SUCLG2: variants seen among roughly 807,000 people sequenced by gnomAD.
SUCLG2 encodes the protein succinate-CoA ligase GDP-forming subunit beta.
A neutral mutation model predicts 47.9 loss-of-function variants in SUCLG2; 42 were observed. The observed-to-expected ratio is 0.88, with a 90% CI of 0.69 to 1.14. SUCLG2 has a LOEUF of 1.14. Ranked by LOEUF, SUCLG2 falls within the 50% of genes most tolerant of loss-of-function variation. The pLI, the probability that SUCLG2 is intolerant of heterozygous loss-of-function variation, is 0.00. For synonymous variants in SUCLG2, 195 were observed against 197.3 expected (o/e 0.99, Z 0.10); for missense variants, 571 against 525.9 (o/e 1.09, Z -0.84).
chr3:67,625,802 C>G (rs1700815682), intron 1 of SUCLG2, among the ~76,000 whole-genome samples: 1 of 152,066 alleles, frequency 6.6e-6, no homozygotes, highest in African/African-American at 2.4e-5. Flanking sequence ...TAGTGCTAAG[C>G]ACAGTGGGGA....
intron 1 of SUCLG2, among the ~76,000 whole-genome samples, chr3:67,643,117 A>G (rs1327163261): frequency 6.6e-6 from 1 of 152,212 alleles, no homozygotes; most frequent in African/African-American, 2.4e-5. Flanking sequence ...CAAGTCTACA[A>G]TAATCATAAA....
chr3:67,608,076 C>T (rs914391542), intron 2 of SUCLG2, among the ~76,000 whole-genome samples: 4 of 152,172 alleles, frequency 2.6e-5, no homozygotes, highest in Non-Finnish European at 4.4e-5. Flanking sequence ...GAGGCAAGGA[C>T]GGAGAAGGTA....
chr3:67,534,787 A>T (rs1575761017), intron 2 of SUCLG2, among the ~76,000 whole-genome samples: 2 of 148,928 alleles, frequency 1.3e-5, no homozygotes, highest in East Asian at 3.9e-4. Flanking sequence ...AAAAAAAAAA[A>T]AAAAAAAAAA....
At chr3:67,419,512 A>C (rs1272339548) in intron 9 of SUCLG2, among the ~76,000 whole-genome samples, 1 of 152,148 alleles carries the variant, frequency 6.6e-6, no homozygotes, top group African/African-American at 2.4e-5. Context: ...GTCTTTTATG[A>C]ATGTGCTTTC....
intron 9 of SUCLG2, among the ~76,000 whole-genome samples, chr3:67,416,783 C>T (rs997376000): frequency 6.6e-6 from 1 of 152,090 alleles, no homozygotes; most frequent in Non-Finnish European, 1.5e-5. Context: ...TACTTTAAAC[C>T]CTCCAAAGTT....
chr3:67,449,286 C>T (rs1177365211), intron 9 of SUCLG2, among the ~76,000 whole-genome samples: 1 of 152,166 alleles, frequency 6.6e-6, no homozygotes, highest in Non-Finnish European at 1.5e-5. Flanking sequence ...ACTAGAAAGC[C>T]TATGAGCTTT....
chr3:67,381,991 G>T (rs1202656329), intron 10 of SUCLG2, among the ~76,000 whole-genome samples: 1 of 152,138 alleles, frequency 6.6e-6, no homozygotes, highest in Non-Finnish European at 1.5e-5. Flanking sequence ...TGTTCGCAAG[G>T]TGCAGACGCC....
intron 1 of SUCLG2, among the ~76,000 whole-genome samples, chr3:67,651,508 A>C (rs1701284694): frequency 6.6e-6 from 1 of 152,228 alleles, no homozygotes; most frequent in Non-Finnish European, 1.5e-5. Flanking sequence ...AATGCTGAGC[A>C]ATGTGAAGTA....
chr3:67,360,540 G>A (rs942043262), exon 11 of SUCLG2: 63 of 1,338,808 alleles, frequency 4.7e-5, no homozygotes, highest in Middle Eastern at 3.9e-4. Flanking sequence ...TTAGCATGCA[G>A]CTGAACCCAA....
At chr3:67,413,227 C>T (rs1361984006) in intron 9 of SUCLG2, among the ~76,000 whole-genome samples, 1 of 152,166 alleles carries the variant, frequency 6.6e-6, no homozygotes, top group Non-Finnish European at 1.5e-5. Context: ...CAGATGATGG[C>T]TTGTCAGGTG....
intron 9 of SUCLG2, among the ~76,000 whole-genome samples, chr3:67,458,030 C>T (rs1704232352): frequency 6.6e-6 from 1 of 152,158 alleles, no homozygotes; most frequent in East Asian, 1.9e-4. Context: ...TTAAGGGCCA[C>T]ATAGGGAGGC....
At position 67,592,934 on chromosome 3, in the gene SUCLG2, C is replaced by T. The variant is rs1451668664; in HGVS notation, c.226+16521G>A. Among the ~76,000 whole-genome samples, 4 of 152,096 alleles carry T rather than the reference C, an allele frequency of 2.6e-5. No individual in the cohort carries two copies. In the East Asian group the frequency reaches 7.7e-4, roughly 29 times the overall value. On this transcript the variant is annotated intron_variant, in intron 2 of 10. Transcript: ENST00000307227. Reference sequence around the variant, plus strand: ...AAATGAAGAAAATACACTCATTTCCCAATGTCCATGGCTTCCTTGCTTACT... The same window carrying T: ...AAATGAAGAAAATACACTCATTTCCTAATGTCCATGGCTTCCTTGCTTACT...
At chr3:67,448,391 C>T (rs896612366) in intron 9 of SUCLG2, among the ~76,000 whole-genome samples, 3 of 152,080 alleles carry the variant, frequency 2.0e-5, no homozygotes, top group Non-Finnish European at 2.9e-5. Flanking sequence ...AGAAGGGGAA[C>T]AGAGAAGAGT....
At chr3:67,400,534 A>G (rs891360291) in intron 10 of SUCLG2, among the ~76,000 whole-genome samples, 197 bp downstream of exon 10, 1 of 152,164 alleles carries the variant, frequency 6.6e-6, no homozygotes, top group South Asian at 2.1e-4. Context: ...GAATCATAAC[A>G]CCTGCCATAC....
chr3:67,408,706 A>G (rs1702869654), intron 9 of SUCLG2: 3 of 1,222,574 alleles, frequency 2.5e-6, no homozygotes, highest in East Asian at 7.0e-5. Context: ...CCTTGGTAGA[A>G]TAAGCAAAAC....
At chr3:67,518,389 T>A in intron 5 of SUCLG2, 53 bp from the exon 6 acceptor site, 1 of 1,519,808 alleles carries the variant, frequency 6.6e-7, no homozygotes, top group Non-Finnish European at 9.0e-7. Context: ...TGAGAAGATT[T>A]ACAACCTCAA....
intron 9 of SUCLG2, among the ~76,000 whole-genome samples, chr3:67,434,187 G>A (rs1703559171): frequency 1.3e-5 from 2 of 152,284 alleles, no homozygotes; most frequent in South Asian, 4.1e-4. Context: ...GATCATTTCT[G>A]TTGTTTAACA....
At chr3:67,409,919 C>G (rs543405813) in intron 9 of SUCLG2, among the ~76,000 whole-genome samples, 12 of 152,304 alleles carry the variant, frequency 7.9e-5, no homozygotes, top group African/African-American at 2.2e-4. Context: ...AAACAAGGAT[C>G]TGTTTCCTTA....
chr3:67,417,359 G>A (rs901930943), intron 9 of SUCLG2, among the ~76,000 whole-genome samples: 1 of 152,218 alleles, frequency 6.6e-6, no homozygotes, highest in Non-Finnish European at 1.5e-5. Flanking sequence ...TTTTGAAATG[G>A]GATGGAACAA....
Sources: allele counts gnomAD v4.1 joint callset (sites outside exome capture counted in the v4.1 genomes callset), GRCh38; gene constraint gnomAD v4.1.1; transcripts MANE v1.5; gene names NCBI Gene and HGNC (gene_info 2026-07-23, HGNC 2026-07-21).